Variants in LPP observed in about 807,000 individuals in gnomAD.
LPP encodes the protein lipoma-preferred partner.
A neutral mutation model predicts 60.4 loss-of-function variants in LPP; 38 were observed. That is an observed-to-expected ratio of 0.63 (90% confidence interval 0.49 to 0.83). The LOEUF is 0.83. Ranked by LOEUF, LPP falls within the 40% of genes least tolerant of loss-of-function variation. LPP has a pLI of 0.00. For synonymous variants in LPP, 328 were observed against 290.8 expected (o/e 1.13, Z -1.30); for missense variants, 902 against 783.6 (o/e 1.15, Z -1.80).
At chr3:188,284,115 G>A (rs1036210038) in intron 2 of LPP, among the ~76,000 whole-genome samples, 2 of 151,984 alleles carry the variant, frequency 1.3e-5, no homozygotes, top group Non-Finnish European at 2.9e-5. Context: ...ATCTCGGCCG[G>A]ACGCAGTGGC....
intron 1 of LPP, among the ~76,000 whole-genome samples, chr3:188,190,813 G>A (rs1213444713): frequency 6.6e-6 from 1 of 152,198 alleles, no homozygotes; most frequent in Non-Finnish European, 1.5e-5. Flanking sequence ...TGAACCAACT[G>A]TGAAAGTTGA....
chr3:188,643,304 G>A (rs1850519746), intron 7 of LPP, among the ~76,000 whole-genome samples: 1 of 152,140 alleles, frequency 6.6e-6, no homozygotes, highest in Non-Finnish European at 1.5e-5. Context: ...ATTTATAGAC[G>A]AGTAAAATGT....
intron 9 of LPP, among the ~76,000 whole-genome samples, chr3:188,848,322 A>G (rs1761966648): frequency 6.6e-6 from 1 of 152,158 alleles, no homozygotes; most frequent in Non-Finnish European, 1.5e-5. Context: ...ATGAGAGGCA[A>G]TTGCTTGAGA....
At chr3:188,446,561 A>G (rs1795277583) in intron 4 of LPP, among the ~76,000 whole-genome samples, 1 of 152,160 alleles carries the variant, frequency 6.6e-6, no homozygotes, top group South Asian at 2.1e-4. Context: ...TTGTTTGTAA[A>G]CAATCTCCTT....
In LPP at chr3:188,785,757, A is replaced by C. The variant is rs147986203; in HGVS notation, c.1410+25475A>C. Among the ~76,000 whole-genome samples the C allele has an allele frequency of 5.6e-3, 849 of 151,846 alleles. 5 individuals carry two copies. The highest frequency in any genetic ancestry group is 7.2e-3 in the Non-Finnish European group (492 of 67,958). ...GATTGCTGGATTAAATGGTGGTTCT[A>C]CTTTTAGTTCATTAAGGAATCTCCA... On this transcript the variant is annotated intron_variant, in intron 9 of 11. Transcript: ENST00000617246.
chr3:188,677,197 C>T (rs977947706), intron 7 of LPP, among the ~76,000 whole-genome samples: 2 of 152,074 alleles, frequency 1.3e-5, no homozygotes, highest in Non-Finnish European at 2.9e-5. Flanking sequence ...CACTTGTGAC[C>T]CACAGAAACT....
intron 5 of LPP, among the ~76,000 whole-genome samples, chr3:188,495,515 T>A (rs1560478857): frequency 2.0e-5 from 3 of 152,148 alleles, no homozygotes; most frequent in Non-Finnish European, 4.4e-5. Flanking sequence ...GGTGACTTTT[T>A]ACAAATGAGA....
intron 5 of LPP, among the ~76,000 whole-genome samples, chr3:188,489,969 C>T (rs915327505): frequency 6.6e-6 from 1 of 152,146 alleles, no homozygotes; most frequent in Non-Finnish European, 1.5e-5. Context: ...TGCAAAATGG[C>T]CAGGCTTGCT....
chr3:188,368,921 G>A lies in LPP; in HGVS notation c.-10+27202G>A, dbSNP rs185841326. Among the ~76,000 whole-genome samples, 349 of 152,166 alleles carry A rather than the reference G, an allele frequency of 2.3e-3. 1 individual carries two copies. The highest frequency in any genetic ancestry group is 6.8e-3 in the Middle Eastern group (2 of 294). On this transcript the variant is annotated intron_variant, in intron 3 of 11. Transcript: ENST00000617246. Reference sequence around the variant, plus strand: ...GGAAGAGGTGTGTGTGAAAGAGAGGGTCACCCGCCACATTTTATCTCTCTG... The same window carrying A: ...GGAAGAGGTGTGTGTGAAAGAGAGGATCACCCGCCACATTTTATCTCTCTG...
intron 8 of LPP, among the ~76,000 whole-genome samples, chr3:188,752,984 G>C (rs1169234488): frequency 6.6e-6 from 1 of 152,162 alleles, no homozygotes; most frequent in Non-Finnish European, 1.5e-5. Context: ...TGCTGGACTG[G>C]CCCTTCCTCT....
chr3:188,417,442 A>G (rs191996141), intron 4 of LPP, among the ~76,000 whole-genome samples: 152 of 152,178 alleles, frequency 1.0e-3, no homozygotes, highest in Non-Finnish European at 1.9e-3. Context: ...TAAAGGGAAC[A>G]GCATGTGCAA....
chr3:188,403,179 C>A (rs1462426660), intron 3 of LPP, among the ~76,000 whole-genome samples: 1 of 152,126 alleles, frequency 6.6e-6, no homozygotes, highest in Non-Finnish European at 1.5e-5. Flanking sequence ...ATTTATGATG[C>A]TGGGGATAAC....
rs1465434897 is a variant in LPP, at chr3:188,213,869, C to G, written c.-189-11536C>G. ...CCTGAGAGAAATTCAGCAAGGCTTCCCATCTGAGCCTCTACCACTATTCTT... is the reference window on the plus strand; with the variant it reads ...CCTGAGAGAAATTCAGCAAGGCTTCGCATCTGAGCCTCTACCACTATTCTT... On this transcript the variant is annotated intron_variant, in intron 1 of 11. Transcript: ENST00000617246. Among the ~76,000 whole-genome samples, 3 of 151,786 alleles carry G rather than the reference C, an allele frequency of 2.0e-5. No individual in the cohort carries two copies. In the East Asian group the frequency reaches 5.8e-4, roughly 30 times the overall value.
Position 188,352,733 on chromosome 3 carries a change from T to C in LPP, c.-10+11014T>C, listed in dbSNP as rs376051781. On this transcript the variant is annotated intron_variant, in intron 3 of 11. Transcript: ENST00000617246. This position sits in a 1 kb window ranked among gnomAD's most constrained non-coding sequence, Gnocchi z 4.4. ...TGCACGGCACTGAGCCCTGCCTGAG[T>C]GCGCACTTCAGTCCTGAAAGCTGCA... Among the ~76,000 whole-genome samples, 539 of 152,186 alleles carry C rather than the reference T, an allele frequency of 3.5e-3. 6 individuals are homozygous for C. The highest frequency in any genetic ancestry group is 0.013 in the African/African-American group (520 of 41,512).
At chr3:188,848,011 A>G (rs368208984) in intron 9 of LPP, among the ~76,000 whole-genome samples, 1 of 152,210 alleles carries the variant, frequency 6.6e-6, no homozygotes, top group East Asian at 1.9e-4. Context: ...TGGGACCCTG[A>G]CGGTAAGCAT....
At chr3:188,807,975 T>G (rs1749689794) in intron 9 of LPP, among the ~76,000 whole-genome samples, 1 of 152,182 alleles carries the variant, frequency 6.6e-6, no homozygotes, top group South Asian at 2.1e-4. Flanking sequence ...GCTAATATAT[T>G]TCACACCTGT....
intron 7 of LPP, among the ~76,000 whole-genome samples, chr3:188,697,916 C>T (rs1863617275): frequency 6.8e-6 from 1 of 146,780 alleles, no homozygotes; most frequent in South Asian, 2.1e-4. Flanking sequence ...AGAATTATGA[C>T]AATCCAAGTA....
In LPP at chr3:188,778,867, C is replaced by A. The variant is rs143715023; in HGVS notation, c.1410+18585C>A. ...AAATTTGTAAGCAGACACAACAGCT[C>A]TAGTTTATCCACCAAATAACAATAT... On this transcript the variant is annotated intron_variant, in intron 9 of 11. Coordinates refer to ENST00000617246, the MANE Select transcript of LPP (RefSeq NM_001375462.1). 6.4e-3 allele frequency among the ~76,000 whole-genome samples: 978 copies of A among 152,188 alleles called. 6 individuals carry two copies. Among genetic ancestry groups the A allele is most frequent in the Middle Eastern group, 0.017 (5 of 292 alleles).
chr3:188,319,693 C>T (rs1239756208), intron 2 of LPP, among the ~76,000 whole-genome samples: 1 of 152,208 alleles, frequency 6.6e-6, no homozygotes, highest in African/African-American at 2.4e-5. Context: ...CAAAGAGTTC[C>T]TGTGTACCCT....
Sources: allele counts gnomAD v4.1 joint callset (sites outside exome capture counted in the v4.1 genomes callset), GRCh38; gene constraint gnomAD v4.1.1; non-coding constraint Gnocchi (gnomAD v3.1); transcripts MANE v1.5; gene names NCBI Gene and HGNC (gene_info 2026-07-23, HGNC 2026-07-21).